The following CENPW variants were observed in gnomAD, a reference collection of about 807,000 sequenced individuals.
CENPW encodes cancer-up-regulated gene 2 protein.
A neutral mutation model predicts 11.1 loss-of-function variants in CENPW; 3 were observed. That is an observed-to-expected ratio of 0.27 (90% confidence interval 0.12 to 0.70). CENPW has a LOEUF of 0.70. Ranked by LOEUF, CENPW falls within the 30% of genes least tolerant of loss-of-function variation. The probability of loss-of-function intolerance (pLI) is 0.77; values close to 1 mark genes in which losing one functional copy is unlikely to be tolerated. For missense variants in CENPW, 100 were observed against 105.6 expected (o/e 0.95, Z 0.23); for synonymous variants, 38 against 42.0 (o/e 0.91, Z 0.37).
At chr6:126,463,452 A>C in the CENPW span, among the ~76,000 whole-genome samples, 1 of 152,028 alleles carries the variant, frequency 6.6e-6, no homozygotes, top group Admixed American at 6.6e-5. Flanking sequence ...AGCAAAACAA[A>C]GAAAATAACA....
chr6:126,370,137 A>G, the CENPW span, among the ~76,000 whole-genome samples: 3 of 152,222 alleles, frequency 2.0e-5, no homozygotes, highest in Admixed American at 6.5e-5. Flanking sequence ...CTATGTGCCT[A>G]TTTATACCAG....
the CENPW span, among the ~76,000 whole-genome samples, chr6:126,435,736 A>G: frequency 6.6e-6 from 1 of 151,938 alleles, no homozygotes; most frequent in South Asian, 2.1e-4. Flanking sequence ...GCCCAGTGTA[A>G]TGTCTTATTA....
the CENPW span, among the ~76,000 whole-genome samples, chr6:126,419,017 A>G: frequency 6.6e-6 from 1 of 152,050 alleles, no homozygotes; most frequent in Admixed American, 6.5e-5. Context: ...CCAACATGGC[A>G]CATGTATACA....
At chr6:126,347,782 G>A (rs1040963343) in intron 2 of CENPW, among the ~76,000 whole-genome samples, 2 of 151,820 alleles carry the variant, frequency 1.3e-5, no homozygotes, top group Non-Finnish European at 2.9e-5. Context: ...TTAATAAACT[G>A]TAGGTTTATT....
the CENPW span, among the ~76,000 whole-genome samples, chr6:126,469,891 C>A: frequency 2.0e-5 from 3 of 152,140 alleles, no homozygotes; most frequent in Admixed American, 1.3e-4. Flanking sequence ...CAAGAGGTGA[C>A]CTCACTGATT....
At chr6:126,362,755 C>T in the CENPW span, among the ~76,000 whole-genome samples, 1 of 151,940 alleles carries the variant, frequency 6.6e-6, no homozygotes, top group Non-Finnish European at 1.5e-5. Flanking sequence ...TTTTCTATGT[C>T]CTGTCTTCTG....
the CENPW span, among the ~76,000 whole-genome samples, chr6:126,452,554 G>C: frequency 6.6e-6 from 1 of 150,880 alleles, no homozygotes; most frequent in Admixed American, 6.6e-5. Flanking sequence ...AAGTGGACTT[G>C]AAAATGGGTC....
the CENPW span, among the ~76,000 whole-genome samples, chr6:126,387,874 C>A: frequency 6.6e-6 from 1 of 151,932 alleles, no homozygotes; most frequent in Non-Finnish European, 1.5e-5. Flanking sequence ...CCTTACTACT[C>A]TAATGGAATC....
At chr6:126,466,634 C>T in the CENPW span, among the ~76,000 whole-genome samples, 1 of 152,132 alleles carries the variant, frequency 6.6e-6, no homozygotes, top group Non-Finnish European at 1.5e-5. Flanking sequence ...GCACATGTGC[C>T]TGTTGTGTGT....
At chr6:126,355,019 A>G in the CENPW span, among the ~76,000 whole-genome samples, 2 of 152,160 alleles carry the variant, frequency 1.3e-5, no homozygotes, top group Non-Finnish European at 2.9e-5. Flanking sequence ...ATATTCAGAA[A>G]GGTACTTTTA....
downstream of CENPW, among the ~76,000 whole-genome samples, chr6:126,352,016 A>T (rs1236883610): frequency 6.6e-6 from 1 of 152,032 alleles, no homozygotes; most frequent in Non-Finnish European, 1.5e-5. Flanking sequence ...GGGGATTCTG[A>T]TTCTATTTAG....
the CENPW span, among the ~76,000 whole-genome samples, chr6:126,407,459 A>T: frequency 8.5e-5 from 13 of 152,264 alleles, 1 homozygote; most frequent in Middle Eastern, 3.4e-3. Flanking sequence ...CAGTAATGGG[A>T]TGGCTGGGTC....
chr6:126,391,739 A>G, the CENPW span, among the ~76,000 whole-genome samples: 2 of 151,924 alleles, frequency 1.3e-5, no homozygotes, highest in Non-Finnish European at 2.9e-5. Context: ...TCCTTTCCCC[A>G]GTGTATGTTT....
chr6:126,412,659 CCTT>C, the CENPW span, among the ~76,000 whole-genome samples: 1 of 152,144 alleles, frequency 6.6e-6, no homozygotes, highest in Non-Finnish European at 1.5e-5. Context: ...TCTCTCCTCT[CCTT>C]CTGGTTATGT....
chr6:126,407,608 C>A, the CENPW span, among the ~76,000 whole-genome samples: 1 of 152,136 alleles, frequency 6.6e-6, no homozygotes, highest in Non-Finnish European at 1.5e-5. Context: ...TGTTTCTTGA[C>A]TTTTTAATAA....
the CENPW span, among the ~76,000 whole-genome samples, chr6:126,371,862 C>A: frequency 2.6e-5 from 4 of 151,962 alleles, no homozygotes; most frequent in African/African-American, 7.3e-5. Flanking sequence ...TAGTTATGTG[C>A]GTAAAGATGT....
chr6:126,409,096 C>A, the CENPW span, among the ~76,000 whole-genome samples: 1 of 151,958 alleles, frequency 6.6e-6, no homozygotes, highest in South Asian at 2.1e-4. Flanking sequence ...TTGCTATAAA[C>A]TTCAACTTAT....
At chr6:126,361,603 A>G in the CENPW span, among the ~76,000 whole-genome samples, 1 of 151,954 alleles carries the variant, frequency 6.6e-6, no homozygotes, top group Non-Finnish European at 1.5e-5. Context: ...CCTCTTTTGT[A>G]TTTCTATGTT....
intron 1 of CENPW, among the ~76,000 whole-genome samples, chr6:126,341,030 A>G (rs1187281939): frequency 6.6e-6 from 1 of 152,236 alleles, no homozygotes; most frequent in Non-Finnish European, 1.5e-5. Flanking sequence ...GACAAGTAAT[A>G]GAACACCTAG....
Sources: gnomAD v4.1 joint callset for allele counts (sites outside exome capture counted in the v4.1 genomes callset) on GRCh38, gnomAD v4.1.1 for gene constraint, MANE v1.5 for transcripts, NCBI Gene and HGNC (gene_info 2026-07-23, HGNC 2026-07-21) for gene names.